Variants in OOSP1 observed in about 807,000 individuals in gnomAD.
OOSP1 encodes oocyte secreted protein 1.
OOSP1 carries 11 observed loss-of-function variants against 5.7 expected under a neutral mutation model. The observed-to-expected ratio is 1.94, with a 90% CI of 1.22 to 3.20. The LOEUF is 3.20. OOSP1 is among the 30% of genes most tolerant of loss of function. OOSP1 has a pLI of 0.00. For synonymous variants in OOSP1, 44 were observed against 20.0 expected, an observed-to-expected ratio of 2.20 and a Z score of -3.20; for missense variants, 83 against 54.1, an observed-to-expected ratio of 1.53 and a Z score of -1.67.
At chr11:59,956,429 T>A (rs1366133642) in intron 4 of OOSP1, among the ~76,000 whole-genome samples, 1 of 152,080 alleles carries the variant, frequency 6.6e-6, no homozygotes, top group African/African-American at 2.4e-5. Flanking sequence ...GGAGCCCTAT[T>A]TTGTTGTATA....
chr11:59,944,004 C>T (rs746451064), intron 2 of OOSP1, among the ~76,000 whole-genome samples: 23 of 152,054 alleles, frequency 1.5e-4, no homozygotes, highest in African/African-American at 4.6e-4. Flanking sequence ...GTTGAGTGTG[C>T]GGAATATTTA....
intron 4 of OOSP1, among the ~76,000 whole-genome samples, chr11:59,952,636 A>G (rs1853951505): frequency 6.6e-6 from 1 of 152,148 alleles, no homozygotes; most frequent in African/African-American, 2.4e-5. Flanking sequence ...GACTCAGAAG[A>G]GGGGGAAGTT....
chr11:59,946,300 C>A (rs1043619959), intron 3 of OOSP1, among the ~76,000 whole-genome samples: 1 of 152,220 alleles, frequency 6.6e-6, no homozygotes, highest in Non-Finnish European at 1.5e-5. Context: ...CCCAAACCAT[C>A]ACCCCCTATC....
At chr11:59,942,076 G>A (rs931721605) in intron 1 of OOSP1, among the ~76,000 whole-genome samples, 1 of 152,116 alleles carries the variant, frequency 6.6e-6, no homozygotes, top group Non-Finnish European at 1.5e-5. Flanking sequence ...TATCTCCTGA[G>A]AACTCAGGCT....
At chr11:59,957,225 C>T (rs1422565468) in exon 5 of OOSP1, 3 of 397,808 alleles carry the variant, frequency 7.5e-6, no homozygotes, top group Non-Finnish European at 1.3e-5. Context: ...TTTTAGATAT[C>T]TGCTAATATT....
intron 4 of OOSP1, among the ~76,000 whole-genome samples, chr11:59,954,827 C>T (rs1020555304): frequency 3.9e-5 from 6 of 152,022 alleles, no homozygotes; most frequent in Non-Finnish European, 7.4e-5. Context: ...TCTGAGTATA[C>T]CTCTATACTT....
chr11:59,957,373 T>A, exon 5 of OOSP1: 1 of 393,102 alleles, frequency 2.5e-6, no homozygotes, highest in Non-Finnish European at 4.5e-6. Context: ...TTAAATGTCA[T>A]CCTGGAATGT....
At chr11:59,952,942 G>T (rs2134574265) in intron 4 of OOSP1, among the ~76,000 whole-genome samples, 1 of 152,096 alleles carries the variant, frequency 6.6e-6, no homozygotes, top group South Asian at 2.1e-4. Context: ...GGCATTCTTA[G>T]GTAAGTTAGA....
At chr11:59,947,992 C>G (rs1853903624) in intron 4 of OOSP1, 130 bp downstream of exon 4, 1 of 394,370 alleles carries the variant, frequency 2.5e-6, no homozygotes. Context: ...GTTTCCGGTT[C>G]AAGAATGCAA....
At chr11:59,946,963 CT>C (rs1046421359) in intron 3 of OOSP1, among the ~76,000 whole-genome samples, 31 of 148,704 alleles carry the variant, frequency 2.1e-4, no homozygotes, top group African/African-American at 6.9e-4. Context: ...ATCTATCTAT[CT>C]ATCTGTCTAT....
chr11:59,955,311 A>AATATCTTTATGAAATTTTC (rs1853983808), intron 4 of OOSP1, among the ~76,000 whole-genome samples: 1 of 152,162 alleles, frequency 6.6e-6, no homozygotes, highest in Non-Finnish European at 1.5e-5. Flanking sequence ...CTTAAGGGCC[A>AATATCTTTATGAAATTTTC]ATATCTTTAT....
Position 59,947,988 on chromosome 11 carries a change from G to A in OOSP1, c.486+126G>A, listed in dbSNP as rs191020231. The A allele has an allele frequency of 7.9e-4, 313 of 394,544 alleles. 1 individual carries two copies. The highest frequency in any genetic ancestry group is 2.9e-3 in the African/African-American group (141 of 48,578). 24.4% of individuals were successfully genotyped at this position (394,544 alleles called of 1,614,324 possible). On this transcript the variant is annotated intron_variant, in intron 4 of 4. Coordinates refer to ENST00000646685, the Ensembl canonical transcript of OOSP1. ...GGTGCATTGTGCCTAAAATGTTTCCGGTTCAAGAATGCAAATTCATGATTT... is the reference window on the plus strand; with the variant it reads ...GGTGCATTGTGCCTAAAATGTTTCCAGTTCAAGAATGCAAATTCATGATTT...
At chr11:59,951,611 G>A (rs1256528925) in intron 4 of OOSP1, among the ~76,000 whole-genome samples, 1 of 151,896 alleles carries the variant, frequency 6.6e-6, no homozygotes, top group Non-Finnish European at 1.5e-5. Flanking sequence ...TTTTCTGGGT[G>A]TGGAGAACCA....
chr11:59,942,614 C>T (rs1853841567), intron 1 of OOSP1, among the ~76,000 whole-genome samples: 1 of 151,950 alleles, frequency 6.6e-6, no homozygotes, highest in Non-Finnish European at 1.5e-5. Flanking sequence ...ATTTTTTCCC[C>T]CCTATATATA....
intron 4 of OOSP1, among the ~76,000 whole-genome samples, chr11:59,949,721 A>C (rs139388042): frequency 1.1e-3 from 174 of 152,248 alleles, no homozygotes; most frequent in Non-Finnish European, 2.2e-3. Flanking sequence ...GAAAGCTCCA[A>C]ATGGAGGAGT....
intron 1 of OOSP1, among the ~76,000 whole-genome samples, chr11:59,942,329 G>T (rs889689800): frequency 3.3e-5 from 5 of 152,146 alleles, no homozygotes; most frequent in African/African-American, 1.2e-4. Flanking sequence ...AGAAGGGAAA[G>T]GATAGCACTG....
chr11:59,957,094 A>G (rs1457545165), intron 4 of OOSP1, 101 bp from the exon 5 acceptor site: 4 of 392,352 alleles, frequency 1.0e-5, no homozygotes, highest in Non-Finnish European at 1.8e-5. Flanking sequence ...TTTTACCTAA[A>G]TTTGTTCCTT....
At chr11:59,940,508 C>T (rs1853813900) in intron 1 of OOSP1, among the ~76,000 whole-genome samples, 1 of 152,152 alleles carries the variant, frequency 6.6e-6, no homozygotes, top group Non-Finnish European at 1.5e-5. Flanking sequence ...AATTCTACAG[C>T]TTTTTTGTTG....
At chr11:59,943,667 G>T (rs1853854028) in intron 2 of OOSP1, among the ~76,000 whole-genome samples, 2 of 152,228 alleles carry the variant, frequency 1.3e-5, no homozygotes, top group African/African-American at 2.4e-5. Flanking sequence ...CATGAAGTTT[G>T]GTCAATTGCG....
Sources: allele counts gnomAD v4.1 joint callset (sites outside exome capture counted in the v4.1 genomes callset), GRCh38; gene constraint gnomAD v4.1.1; transcripts MANE v1.5; gene names NCBI Gene and HGNC (gene_info 2026-07-23, HGNC 2026-07-21).